The following RPS6KC1 variants were observed in gnomAD, a reference collection of about 807,000 sequenced individuals.
The protein encoded by RPS6KC1 is ribosomal protein S6 kinase C1, also known as inactive ribosomal protein S6 kinase delta-1.
RPS6KC1 carries 54 observed loss-of-function variants against 103.8 expected under a neutral mutation model. That is an observed-to-expected ratio of 0.52 (90% confidence interval 0.42 to 0.65). The LOEUF (loss-of-function observed/expected upper bound fraction) is 0.65. Ranked by LOEUF, RPS6KC1 falls within the 30% of genes least tolerant of loss-of-function variation. The pLI, the probability that RPS6KC1 is intolerant of heterozygous loss-of-function variation, is 0.00. For missense variants in RPS6KC1, 1,151 were observed against 1,253.8 expected (o/e 0.92, Z 1.24); for synonymous variants, 439 against 438.7 (o/e 1.00, Z -0.01).
the RPS6KC1 span, among the ~76,000 whole-genome samples, chr1:213,858,216 A>T: frequency 2.0e-5 from 3 of 152,198 alleles, no homozygotes; most frequent in Non-Finnish European, 4.4e-5. Flanking sequence ...CTTTGTATGG[A>T]TTATCTCCAT....
At chr1:213,565,459 C>T in the RPS6KC1 span, among the ~76,000 whole-genome samples, 2 of 152,146 alleles carry the variant, frequency 1.3e-5, no homozygotes, top group Non-Finnish European at 2.9e-5. Context: ...GTACGTGTAA[C>T]ACCATGGATG....
chr1:213,241,495 T>G lies in RPS6KC1; in HGVS notation c.2019T>G (p.Phe673Leu). The part of the protein sequence containing the change: ...GSDDSVPVIS[F>L]KDAAFDDVSG... ...ATGACTCAGTGCCAGTTATTTCATT[T>G]AAAGATGCTGCTTTTGATGATGTCA... The change falls in exon 11 of 15, where the codon TTT becomes TTG. Residue 673 changes from phenylalanine (F) to leucine (L), a missense_variant. Phe to Leu is a conservative substitution (Grantham distance 22, BLOSUM62 0). Coordinates refer to ENST00000366960, the MANE Select transcript of RPS6KC1 (RefSeq NM_012424.6). 6.2e-7 allele frequency: 1 copy of G among 1,614,032 alleles called. No individual in the cohort carries two copies. Among genetic ancestry groups the G allele is most frequent in the Non-Finnish European group, 8.5e-7 (1 of 1,179,930 alleles).
the RPS6KC1 span, among the ~76,000 whole-genome samples, chr1:213,405,521 G>GT: frequency 6.6e-6 from 1 of 152,208 alleles, no homozygotes; most frequent in African/African-American, 2.4e-5. Flanking sequence ...GGGTGGTGTG[G>GT]TGGGAGCTTC....
chr1:213,590,821 A>ACT, the RPS6KC1 span, among the ~76,000 whole-genome samples: 1 of 152,140 alleles, frequency 6.6e-6, no homozygotes, highest in Admixed American at 6.5e-5. Context: ...TGGGCAGTCC[A>ACT]TTACAGTGTC....
intron 6 of RPS6KC1, among the ~76,000 whole-genome samples, chr1:213,130,808 A>T (rs1459988896): frequency 4.0e-5 from 6 of 151,442 alleles, no homozygotes; most frequent in Admixed American, 3.3e-4. Flanking sequence ...TTTAGGTTTC[A>T]CTCCCATTTC....
At chr1:213,766,590 G>A in the RPS6KC1 span, among the ~76,000 whole-genome samples, 1 of 152,172 alleles carries the variant, frequency 6.6e-6, no homozygotes, top group African/African-American at 2.4e-5. Flanking sequence ...ATGACCTCCT[G>A]GTGGGCAGAT....
the RPS6KC1 span, among the ~76,000 whole-genome samples, chr1:213,392,703 A>G: frequency 2.0e-5 from 3 of 152,352 alleles, no homozygotes; most frequent in African/African-American, 4.8e-5. Context: ...ATGCTTGACT[A>G]TGTGAGTACT....
At chr1:213,710,260 C>G in the RPS6KC1 span, among the ~76,000 whole-genome samples, 1 of 152,134 alleles carries the variant, frequency 6.6e-6, no homozygotes, top group Non-Finnish European at 1.5e-5. Flanking sequence ...GTCACTTTAC[C>G]ATTATGTAAT....
chr1:213,417,313 C>T, the RPS6KC1 span, among the ~76,000 whole-genome samples: 1 of 152,238 alleles, frequency 6.6e-6, no homozygotes, highest in Non-Finnish European at 1.5e-5. Context: ...TTGGTTCTCT[C>T]TCACAGAATG....
chr1:213,332,477 A>G, the RPS6KC1 span, among the ~76,000 whole-genome samples: 1 of 152,212 alleles, frequency 6.6e-6, no homozygotes, highest in Non-Finnish European at 1.5e-5. Flanking sequence ...GACATATGCT[A>G]CTCTGATGGG....
At chr1:213,386,468 C>T in the RPS6KC1 span, among the ~76,000 whole-genome samples, 2 of 152,228 alleles carry the variant, frequency 1.3e-5, no homozygotes, top group Non-Finnish European at 2.9e-5. Context: ...GTGCTTAGAG[C>T]CTTGCTTTGC....
chr1:213,648,603 A>G, the RPS6KC1 span, among the ~76,000 whole-genome samples: 3 of 151,984 alleles, frequency 2.0e-5, no homozygotes, highest in Admixed American at 6.6e-5. Flanking sequence ...CTGAAATCCT[A>G]GGGTCTGAAT....
rs78539860 is a variant in RPS6KC1, at chr1:213,177,240, A to T, written c.1044+748A>T. ...AGATGGTTTACAAGTGTAATTTAAA[A>T]GCCACAGACAACAAACCATGTTTTA... On this transcript the variant is annotated intron_variant, in intron 8 of 14. Transcript: ENST00000366960. 5.8e-4 allele frequency among the ~76,000 whole-genome samples: 88 copies of T among 152,348 alleles called. 4 individuals are homozygous for T. In the East Asian group the frequency reaches 0.014, roughly 25 times the overall value.
chr1:213,453,922 C>T, the RPS6KC1 span, among the ~76,000 whole-genome samples: 1 of 152,096 alleles, frequency 6.6e-6, no homozygotes, highest in African/African-American at 2.4e-5. Context: ...TGGAGATTTG[C>T]AACAAGTTGA....
At chr1:213,819,906 G>C in the RPS6KC1 span, 1 of 152,160 alleles carries the variant, frequency 6.6e-6, no homozygotes, top group Non-Finnish European at 1.5e-5. Context: ...TTTTTAATAA[G>C]AATGACCCAT....
chr1:213,620,613 G>A, the RPS6KC1 span, among the ~76,000 whole-genome samples: 1 of 152,204 alleles, frequency 6.6e-6, no homozygotes, highest in Non-Finnish European at 1.5e-5. Flanking sequence ...CTCAATGGAA[G>A]GAATGTCAAT....
chr1:213,075,168 C>G (rs1164155717), intron 2 of RPS6KC1, among the ~76,000 whole-genome samples: 1 of 151,946 alleles, frequency 6.6e-6, no homozygotes, highest in Non-Finnish European at 1.5e-5. Flanking sequence ...AAAATTTTAT[C>G]TGCAAATCTA....
the RPS6KC1 span, among the ~76,000 whole-genome samples, chr1:213,788,304 G>A: frequency 1.6e-4 from 24 of 152,198 alleles, no homozygotes; most frequent in East Asian, 9.7e-4. Context: ...TTGTTCTTCC[G>A]TGGTGCAGTA....
At chr1:213,462,771 G>T in the RPS6KC1 span, among the ~76,000 whole-genome samples, 2 of 152,030 alleles carry the variant, frequency 1.3e-5, no homozygotes, top group Non-Finnish European at 2.9e-5. Flanking sequence ...ACTAGGGGAG[G>T]GTATAGCATT....
Sources: allele counts gnomAD v4.1 joint callset (sites outside exome capture counted in the v4.1 genomes callset), GRCh38; gene constraint gnomAD v4.1.1; transcripts MANE v1.5; gene names NCBI Gene and HGNC (gene_info 2026-07-23, HGNC 2026-07-21).